TCF24: variants seen among roughly 807,000 people sequenced by gnomAD.
TCF24 encodes the protein transcription factor 24.
A neutral mutation model predicts 9.3 loss-of-function variants in TCF24; 5 were observed. The ratio of observed to expected loss-of-function variants is 0.54; its 90% CI spans 0.28 to 1.13. The LOEUF (loss-of-function observed/expected upper bound fraction) is 1.13. TCF24 is among the 50% of genes most tolerant of loss of function. TCF24 has a pLI of 0.09. For missense variants in TCF24, 220 were observed against 236.1 expected, an observed-to-expected ratio of 0.93 and a Z score of 0.45; for synonymous variants, 110 against 115.8, an observed-to-expected ratio of 0.95 and a Z score of 0.32.
intron 3 of TCF24, among the ~76,000 whole-genome samples, chr8:66,948,492 C>A (rs1169379493): frequency 6.6e-6 from 1 of 151,944 alleles, no homozygotes; most frequent in Non-Finnish European, 1.5e-5. Flanking sequence ...TTAAACTAAA[C>A]CTAAAACAAA....
chr8:66,949,071 C>G (rs1814012712), intron 3 of TCF24, among the ~76,000 whole-genome samples: 1 of 151,806 alleles, frequency 6.6e-6, no homozygotes, highest in Non-Finnish European at 1.5e-5. Context: ...GATTAAATGT[C>G]TGTATGTATT....
At chr8:66,950,985 T>C (rs1471462004) in intron 3 of TCF24, among the ~76,000 whole-genome samples, 126 of 144,348 alleles carry the variant, frequency 8.7e-4, no homozygotes, top group African/African-American at 2.6e-3. Flanking sequence ...CTTAAGGAGA[T>C]TTTGGGCTGA....
chr8:66,957,179 G>A (rs1814170291), intron 3 of TCF24, among the ~76,000 whole-genome samples: 1 of 150,180 alleles, frequency 6.7e-6, no homozygotes, highest in African/African-American at 2.5e-5. Flanking sequence ...TACTTTGGGA[G>A]GCCGAGGTGG....
chr8:66,961,299 C>T, intron 3 of TCF24, 77 bp downstream of exon 3: 1 of 1,369,728 alleles, frequency 7.3e-7, no homozygotes, highest in Non-Finnish European at 9.4e-7. Flanking sequence ...GAGCATCTAC[C>T]CAAGACGGTG....
intron 3 of TCF24, among the ~76,000 whole-genome samples, chr8:66,956,027 G>T (rs1814146006): frequency 6.6e-6 from 1 of 152,086 alleles, no homozygotes; most frequent in South Asian, 2.1e-4. Flanking sequence ...AAACCTGCTG[G>T]GTTCATGCAA....
At position 66,947,872 on chromosome 8, in the gene TCF24, T is replaced by G; in HGVS notation, c.*179A>C. On this transcript the variant is annotated 3_prime_UTR_variant, in exon 4 of 4. Coordinates refer to ENST00000563496, the MANE Select transcript of TCF24 (RefSeq NM_001193502.2). ...TCACACTGAACAGATAAGCTGTGTG[T>G]TTTATATAACACTGATTATTTCATT... The G allele has an allele frequency of 2.0e-6, 1 of 497,822 alleles. No individual in the cohort carries two copies. The allele number at this position is 497,822 out of a possible 1,614,324, so 30.8% of individuals were successfully genotyped here. A position where few individuals can be genotyped will look rare whatever the true frequency, so the allele number is the denominator to read the frequency against.
chr8:66,955,532 T>C (rs961950838), intron 3 of TCF24, among the ~76,000 whole-genome samples: 2 of 152,202 alleles, frequency 1.3e-5, no homozygotes, highest in African/African-American at 4.8e-5. Flanking sequence ...AAAATGTTTT[T>C]AAATGCCTGG....
In TCF24 at chr8:66,961,418, C is replaced by T; in HGVS notation, c.348G>A (p.Gly116=). 6.6e-7 allele frequency: 1 copy of T among 1,517,914 alleles called. No homozygotes were observed. The highest frequency in any genetic ancestry group is 2.6e-5 in the East Asian group (1 of 38,974). 94.0% of individuals were successfully genotyped at this position (1,517,914 alleles called of 1,614,324 possible). ...AGCCATCGCCGCGCAGGGCGCCCAA[C>T]CCGGCGTCCGCCGGCGCCTCGGCGT... is the stretch of plus-strand genomic sequence containing the variant. ...QDDAEAPADA[G]LGALRGDGYL... is the part of the protein sequence containing the mutation. The change falls in exon 3 of 4, where the codon GGG becomes GGA. Residue 116 remains glycine, a synonymous_variant. Coordinates refer to ENST00000563496, the MANE Select transcript of TCF24 (RefSeq NM_001193502.2).
At chr8:66,953,243 C>T (rs530600523) in intron 3 of TCF24, among the ~76,000 whole-genome samples, 1 of 152,074 alleles carries the variant, frequency 6.6e-6, no homozygotes, top group Non-Finnish European at 1.5e-5. Context: ...CCGGTTGTTC[C>T]TTTCCATGTT....
intron 3 of TCF24, chr8:66,955,198 T>C (rs1378863746): frequency 6.6e-6 from 1 of 152,232 alleles, no homozygotes; most frequent in Non-Finnish European, 1.5e-5. Context: ...TTCATCTTTA[T>C]GGTGGGCAAT....
Position 66,956,104 on chromosome 8 carries a change from C to CTTGT in TCF24, c.390+5268_390+5271dup, listed in dbSNP as rs373546164. 2.5e-3 allele frequency among the ~76,000 whole-genome samples: 372 copies of CTTGT among 151,654 alleles called. 2 individuals are homozygous for CTTGT. The highest frequency in any genetic ancestry group is 8.1e-3 in the African/African-American group (333 of 41,274). Reference sequence around the variant, plus strand: ...GCTACCACGCTGGGCTAATTAAAAACTTGTTTGTTTGTTTGTTTGTTTGTT... The same window carrying CTTGT: ...GCTACCACGCTGGGCTAATTAAAAACTTGTTTGTTTGTTTGTTTGTTTGTTTGTT... On this transcript the variant is annotated intron_variant, in intron 3 of 3. Coordinates refer to ENST00000563496, the MANE Select transcript of TCF24 (RefSeq NM_001193502.2).
intron 3 of TCF24, among the ~76,000 whole-genome samples, chr8:66,951,522 A>G (rs1198890301): frequency 2.6e-5 from 4 of 152,060 alleles, no homozygotes; most frequent in African/African-American, 9.7e-5. Context: ...TTTTGCATCA[A>G]TGTTCATCAA....
intron 3 of TCF24, among the ~76,000 whole-genome samples, chr8:66,952,353 T>C (rs367724451): frequency 1.4e-5 from 2 of 137,952 alleles, no homozygotes; most frequent in Admixed American, 7.5e-5. Context: ...TCGTTATGTA[T>C]CCAGTAGTCA....
At chr8:66,950,991 GC>G in intron 3 of TCF24, among the ~76,000 whole-genome samples, 1 of 151,650 alleles carries the variant, frequency 6.6e-6, no homozygotes, top group African/African-American at 2.4e-5. Flanking sequence ...GAGATTTTGG[GC>G]TGAGACAATG....
At position 66,961,400 on chromosome 8, in the gene TCF24, G is replaced by A. The variant is rs1246492850; in HGVS notation, c.366C>T (p.Gly122=). 2.7e-6 allele frequency: 4 copies of A among 1,507,378 alleles called. No homozygotes were observed. The highest frequency in any genetic ancestry group is 1.4e-5 in the African/African-American group (1 of 69,998). 93.4% of individuals were successfully genotyped at this position (1,507,378 alleles called of 1,614,324 possible). A position where few individuals can be genotyped will look rare whatever the true frequency, so the allele number is the denominator to read the frequency against. The change falls in exon 3 of 4, where the codon GGC becomes GGT. Residue 122 remains glycine, a synonymous_variant. Transcript: ENST00000563496. ...PADAGLGALR[G]DGYLHPVKKW... ...CCTTGACCGGGTGCAGGTAGCCATC[G>A]CCGCGCAGGGCGCCCAACCCGGCGT...
intron 3 of TCF24, among the ~76,000 whole-genome samples, chr8:66,959,895 G>C (rs1490866454): frequency 6.6e-6 from 1 of 152,108 alleles, no homozygotes; most frequent in Admixed American, 6.6e-5. Flanking sequence ...CGCTTGCTAT[G>C]CTTATTATTA....
chr8:66,959,755 TA>T (rs540336274), intron 3 of TCF24, among the ~76,000 whole-genome samples: 8 of 152,302 alleles, frequency 5.3e-5, no homozygotes, highest in African/African-American at 7.2e-5. Context: ...TAATTTCATT[TA>T]AAAAAATAAT....
At chr8:66,959,632 G>A (rs1334124108) in intron 3 of TCF24, among the ~76,000 whole-genome samples, 7 of 152,186 alleles carry the variant, frequency 4.6e-5, no homozygotes, top group Admixed American at 3.3e-4. Context: ...GAAAGGGACT[G>A]AGTCTTATTA....
intron 3 of TCF24, among the ~76,000 whole-genome samples, chr8:66,949,724 A>G (rs1051105060): frequency 6.6e-6 from 1 of 152,028 alleles, no homozygotes; most frequent in Admixed American, 6.6e-5. Context: ...TCCCACCAAC[A>G]GTGTAAAAGT....
Sources: allele counts gnomAD v4.1 joint callset (sites outside exome capture counted in the v4.1 genomes callset), GRCh38; gene constraint gnomAD v4.1.1; transcripts MANE v1.5; gene names NCBI Gene and HGNC (gene_info 2026-07-23, HGNC 2026-07-21).